SGPP2: variants seen among roughly 807,000 people sequenced by gnomAD.
The protein encoded by SGPP2 is sphingosine 1-phosphate phosphohydrolase 2.
Under a neutral mutation model 33.9 loss-of-function variants are expected in SGPP2, and 30 were observed. The ratio of observed to expected loss-of-function variants is 0.89; its 90% CI spans 0.66 to 1.20. The LOEUF (loss-of-function observed/expected upper bound fraction) is 1.20, where lower values mean the gene tolerates loss of function less well. Ranked by LOEUF, SGPP2 falls within the 50% of genes most tolerant of loss-of-function variation. The probability of loss-of-function intolerance (pLI) is 0.00; values close to 1 mark genes in which losing one functional copy is unlikely to be tolerated. For synonymous variants in SGPP2, 233 were observed against 225.0 expected (o/e 1.04, Z -0.32); for missense variants, 458 against 532.1 (o/e 0.86, Z 1.37).
chr2:222,532,415 G>C (rs1391460739), intron 4 of SGPP2, among the ~76,000 whole-genome samples: 1 of 152,184 alleles, frequency 6.6e-6, no homozygotes, highest in African/African-American at 2.4e-5. Flanking sequence ...GTCAGATGTG[G>C]TTTGGTGCCC....
Position 222,460,263 on chromosome 2 carries a change from GA to G in SGPP2, c.220-14302del, listed in dbSNP as rs983681866. 1.3e-5 allele frequency among the ~76,000 whole-genome samples: 2 copies of G among 152,150 alleles called. No individual in the cohort carries two copies. Among genetic ancestry groups the G allele is most frequent in the Non-Finnish European group, 1.5e-5 (1 of 68,024 alleles). ...CATGGCAGCGCCAAGGCCAAACACA[GA>G]AACCAATTTTTATTCATCTTCCAGG... On this transcript the variant is annotated intron_variant, in intron 1 of 4. Coordinates refer to ENST00000321276, the MANE Select transcript of SGPP2 (RefSeq NM_152386.4). The surrounding 1 kb of genome is among the most constrained non-coding windows in gnomAD (Gnocchi z 4.3).
In SGPP2 at chr2:222,460,858, A is replaced by G. The variant is rs555507238; in HGVS notation, c.220-13710A>G. ...AAATCTGAGTCTTCCTTCCAGGGTGAATTCCTTTCCTCTCCCTTCATGATG... is the reference window on the plus strand; with the variant it reads ...AAATCTGAGTCTTCCTTCCAGGGTGGATTCCTTTCCTCTCCCTTCATGATG... On this transcript the variant is annotated intron_variant, in intron 1 of 4. Coordinates refer to ENST00000321276, the MANE Select transcript of SGPP2 (RefSeq NM_152386.4). The surrounding 1 kb of genome is among the most constrained non-coding windows in gnomAD (Gnocchi z 4.3). Among the ~76,000 whole-genome samples, 214 of 151,850 alleles carry G rather than the reference A, an allele frequency of 1.4e-3. 2 individuals are homozygous for G. The highest frequency in any genetic ancestry group is 1.4e-3 in the East Asian group (7 of 5,144).
chr2:222,438,018 T>G (rs533717830), intron 1 of SGPP2, among the ~76,000 whole-genome samples: 2 of 152,332 alleles, frequency 1.3e-5, no homozygotes, highest in African/African-American at 4.8e-5. Flanking sequence ...TTGCAGAGCC[T>G]TCTTCTGTTC....
intron 2 of SGPP2, among the ~76,000 whole-genome samples, chr2:222,508,496 T>G (rs1418372701): frequency 6.6e-6 from 1 of 152,202 alleles, no homozygotes; most frequent in East Asian, 1.9e-4. Context: ...TGTGAAAGTA[T>G]ACACTAAAAA....
At chr2:222,509,192 T>C (rs895151497) in intron 2 of SGPP2, among the ~76,000 whole-genome samples, 3 of 152,172 alleles carry the variant, frequency 2.0e-5, no homozygotes, top group Admixed American at 6.5e-5. Flanking sequence ...AATCTCTTTT[T>C]TGTAAGACTG....
rs139899383 is a variant in SGPP2 at position 222,450,254 on chromosome 2, A to G, written c.220-24314A>G. On this transcript the variant is annotated intron_variant, in intron 1 of 4. Coordinates refer to ENST00000321276, the MANE Select transcript of SGPP2 (RefSeq NM_152386.4). The stretch of plus-strand genomic sequence containing the variant: ...TGGAGGTGACATCAGCCATTGCCTG[A>G]GTAACATCCATCTTCTCATTTGCAC... Among the ~76,000 whole-genome samples, 171 of 152,304 alleles carry G rather than the reference A, an allele frequency of 1.1e-3. 1 individual carries two copies. Among genetic ancestry groups the G allele is most frequent in the African/African-American group, 4.0e-3 (166 of 41,566 alleles).
intron 1 of SGPP2, among the ~76,000 whole-genome samples, chr2:222,468,257 G>C (rs781164537): frequency 9.9e-5 from 15 of 152,030 alleles, no homozygotes; most frequent in Admixed American, 2.0e-4. Context: ...TGGGATAGAG[G>C]TTTGGTGGAC....
intron 2 of SGPP2, among the ~76,000 whole-genome samples, chr2:222,501,750 G>A (rs1698370720): frequency 6.6e-6 from 1 of 152,144 alleles, no homozygotes; most frequent in South Asian, 2.1e-4. Flanking sequence ...GATATACTGA[G>A]ACTGAATCTC....
At chr2:222,546,664 A>G (rs1047872456) in intron 4 of SGPP2, among the ~76,000 whole-genome samples, 2 of 152,168 alleles carry the variant, frequency 1.3e-5, no homozygotes, top group Non-Finnish European at 2.9e-5. Context: ...TTTCCTCTGC[A>G]TGAGAGCACC....
At chr2:222,536,507 C>G (rs1313358467) in intron 4 of SGPP2, among the ~76,000 whole-genome samples, 1 of 152,028 alleles carries the variant, frequency 6.6e-6, no homozygotes, top group African/African-American at 2.4e-5. Flanking sequence ...TGGTAAAACC[C>G]TGTCTCTACT....
chr2:222,458,899 G>A (rs1322249248), intron 1 of SGPP2, among the ~76,000 whole-genome samples: 1 of 152,090 alleles, frequency 6.6e-6, no homozygotes, highest in Admixed American at 6.5e-5. Context: ...CTATACATGT[G>A]TACATATTAA....
intron 2 of SGPP2, among the ~76,000 whole-genome samples, chr2:222,490,465 G>A (rs768101057): frequency 4.6e-5 from 7 of 152,136 alleles, no homozygotes; most frequent in Non-Finnish European, 8.8e-5. Context: ...GTCTTGCTCT[G>A]TTGCCTAGGC....
intron 4 of SGPP2, among the ~76,000 whole-genome samples, chr2:222,530,593 C>T (rs1698823854): frequency 6.6e-6 from 1 of 152,182 alleles, no homozygotes; most frequent in Admixed American, 6.5e-5. Context: ...CATCATAGAG[C>T]TAAAGAGAGT....
intron 2 of SGPP2, among the ~76,000 whole-genome samples, chr2:222,521,093 C>T (rs1159474984): frequency 6.6e-6 from 1 of 152,184 alleles, no homozygotes; most frequent in Non-Finnish European, 1.5e-5. Flanking sequence ...AATACCCATG[C>T]CATTTATTTG....
chr2:222,525,717 G>A (rs985441447), intron 4 of SGPP2, among the ~76,000 whole-genome samples: 4 of 152,176 alleles, frequency 2.6e-5, no homozygotes, highest in Admixed American at 6.5e-5. Context: ...ATTTATCATC[G>A]TAATAGGTAC....
rs576718781 is a variant in SGPP2 at position 222,484,610 on chromosome 2, G to GA, written c.378+9890dup. ...TATGCCAGCTGTAATGTCTTACCGA[G>GA]AAAAAACAAACAGTCATTGCCAAGT... On this transcript the variant is annotated intron_variant, in intron 2 of 4. Coordinates refer to ENST00000321276, the MANE Select transcript of SGPP2 (RefSeq NM_152386.4). Among the ~76,000 whole-genome samples, 19 of 152,142 alleles carry GA rather than the reference G, an allele frequency of 1.2e-4. No homozygotes were observed. In the East Asian group the frequency reaches 3.7e-3, roughly 29 times the overall value.
rs1407808310 is a variant in SGPP2 at position 222,560,913 on chromosome 2, C to G, written c.*2015C>G. ...ACGAGGTCAGGAGATCGAGACCATC[C>G]TGGCTAACACGGTACCCCGTCTCTA... On this transcript the variant is annotated 3_prime_UTR_variant, in exon 5 of 5. Transcript: ENST00000321276. 6.6e-6 allele frequency: 1 copy of G among 152,074 alleles called. No homozygotes were observed. Among genetic ancestry groups the G allele is most frequent in the Non-Finnish European group, 1.5e-5 (1 of 68,048 alleles). 9.4% of individuals were successfully genotyped at this position (152,074 alleles called of 1,614,324 possible). A position where few individuals can be genotyped will look rare whatever the true frequency, so the allele number is the denominator to read the frequency against.
intron 1 of SGPP2, among the ~76,000 whole-genome samples, chr2:222,453,450 A>G (rs1697523828): frequency 6.6e-6 from 1 of 152,200 alleles, no homozygotes; most frequent in Non-Finnish European, 1.5e-5. Flanking sequence ...CCTCCACAAC[A>G]ACAGGAGGCA....
intron 1 of SGPP2, among the ~76,000 whole-genome samples, chr2:222,471,692 A>G (rs1697845409): frequency 1.3e-5 from 2 of 152,258 alleles, no homozygotes; most frequent in South Asian, 4.1e-4. Flanking sequence ...AGAACCTCAG[A>G]CTTTGTGTAG....
Sources: gnomAD v4.1 joint callset for allele counts (sites outside exome capture counted in the v4.1 genomes callset) on GRCh38, gnomAD v4.1.1 for gene constraint, Gnocchi (gnomAD v3.1) non-coding constraint, MANE v1.5 for transcripts, NCBI Gene and HGNC (gene_info 2026-07-23, HGNC 2026-07-21) for gene names.